MYLK4: variants seen among roughly 807,000 people sequenced by gnomAD.
MYLK4 encodes caMLCK like.
MYLK4 carries 46 observed loss-of-function variants against 48.1 expected under a neutral mutation model. That is an observed-to-expected ratio of 0.96 (90% CI 0.75 to 1.22). MYLK4 has a LOEUF of 1.22. Among genes scored for constraint, MYLK4 ranks in the 50% most tolerant of loss-of-function variants. The probability of loss-of-function intolerance (pLI) is 0.00; values close to 1 mark genes in which losing one functional copy is unlikely to be tolerated. For missense variants in MYLK4, 451 were observed against 486.1 expected (o/e 0.93, Z 0.68); for synonymous variants, 170 against 180.8 (o/e 0.94, Z 0.48).
intron 2 of MYLK4, among the ~76,000 whole-genome samples, chr6:2,698,857 T>G (rs1762167689): frequency 6.6e-6 from 1 of 152,204 alleles, no homozygotes; most frequent in African/African-American, 2.4e-5. Context: ...ATAAAAGGAA[T>G]TCTCACTAAG....
Position 2,721,674 on chromosome 6 carries a change from T to C in MYLK4, c.159+27462A>G, listed in dbSNP as rs990567128. On this transcript the variant is annotated intron_variant, in intron 2 of 12. Transcript: ENST00000274643. Reference sequence around the variant, plus strand: ...CCTTTGACTACCTACCAACCTAAAGTGGTTTTGCCTCTTTCTTCAGTCTGA... The same window carrying C: ...CCTTTGACTACCTACCAACCTAAAGCGGTTTTGCCTCTTTCTTCAGTCTGA... Among the ~76,000 whole-genome samples the C allele has an allele frequency of 2.0e-4, 31 of 152,126 alleles. 1 individual carries two copies. Among genetic ancestry groups the C allele is most frequent in the African/African-American group, 7.0e-4 (29 of 41,408 alleles).
At chr6:2,751,797 A>AT (rs1764294903), upstream of MYLK4, among the ~76,000 whole-genome samples, 2 of 152,260 alleles carry the variant, frequency 1.3e-5, no homozygotes, top group South Asian at 2.1e-4. Flanking sequence ...AAAAATACAT[A>AT]TTTTTCCATT....
chr6:2,732,319 G>A (rs981636837), intron 2 of MYLK4, among the ~76,000 whole-genome samples: 19 of 152,092 alleles, frequency 1.2e-4, no homozygotes, highest in Non-Finnish European at 2.5e-4. Context: ...GAACAATGGC[G>A]CTAACCCCAT....
intron 2 of MYLK4, among the ~76,000 whole-genome samples, chr6:2,706,247 T>C (rs1762485066): frequency 6.6e-6 from 1 of 152,224 alleles, no homozygotes; most frequent in South Asian, 2.1e-4. Flanking sequence ...TAGGCAACTA[T>C]AGATTAATTT....
chr6:2,707,484 T>C (rs1762534800), intron 2 of MYLK4, among the ~76,000 whole-genome samples: 1 of 152,220 alleles, frequency 6.6e-6, no homozygotes, highest in African/African-American at 2.4e-5. Flanking sequence ...ACATGAAAAG[T>C]TCGCATGCTA....
At chr6:2,741,962 G>A (rs1763913112) in intron 2 of MYLK4, among the ~76,000 whole-genome samples, 1 of 152,092 alleles carries the variant, frequency 6.6e-6, no homozygotes, top group African/African-American at 2.4e-5. Flanking sequence ...ATCTCCCACA[G>A]GAGATACGAT....
At chr6:2,694,675 C>T (rs2113187328) in intron 2 of MYLK4, among the ~76,000 whole-genome samples, 1 of 100,098 alleles carries the variant, frequency 1.0e-5, no homozygotes, top group East Asian at 3.1e-4. Flanking sequence ...GTAGTGGTGA[C>T]AGCTACCATG....
At chr6:2,755,054 A>G (rs1764394261), upstream of MYLK4, among the ~76,000 whole-genome samples, 1 of 152,226 alleles carries the variant, frequency 6.6e-6, no homozygotes, top group Non-Finnish European at 1.5e-5. Context: ...AAATTTTGAT[A>G]TTAGACCACT....
intron 2 of MYLK4, among the ~76,000 whole-genome samples, chr6:2,747,142 G>T (rs905101396): frequency 1.2e-4 from 19 of 152,196 alleles, no homozygotes; most frequent in Admixed American, 3.3e-4. Context: ...CGGAAGCCAG[G>T]AGGCCCAAGT....
intron 2 of MYLK4, among the ~76,000 whole-genome samples, chr6:2,696,541 C>T (rs919319954): frequency 1.3e-5 from 2 of 152,212 alleles, no homozygotes; most frequent in African/African-American, 2.4e-5. Context: ...GGGGCCCTCG[C>T]CAGGCCCTGG....
the MYLK4 span, among the ~76,000 whole-genome samples, chr6:2,762,538 T>C: frequency 6.6e-6 from 1 of 152,258 alleles, no homozygotes; most frequent in Non-Finnish European, 1.5e-5. Flanking sequence ...CAGTGTACTG[T>C]ATTTCCACAT....
the MYLK4 span, among the ~76,000 whole-genome samples, chr6:2,766,613 T>C: frequency 7.9e-5 from 12 of 152,308 alleles, 1 homozygote; most frequent in South Asian, 2.5e-3. Flanking sequence ...AGGTGGAGTC[T>C]GTGATGGGTG....
At chr6:2,744,103 C>T in intron 2 of MYLK4, 3 of 395,826 alleles carry the variant, frequency 7.6e-6, no homozygotes, top group Non-Finnish European at 8.9e-6. Context: ...CTAGCACCAG[C>T]ACTTCTCAAG....
rs1268739989 is a variant in MYLK4, at chr6:2,685,191, C to T, written c.545+105G>A. ...CCGCGCGAATCAGAGTCTGCGGGGG[C>T]GAGCTTGGTTCTGGTCCCGCTACAG... On this transcript the variant is annotated intron_variant, in intron 6 of 12. Coordinates refer to ENST00000274643, the MANE Select transcript of MYLK4 (RefSeq NM_001012418.5). The surrounding 1 kb of genome is among the most constrained non-coding windows in gnomAD (Gnocchi z 4.5). 7.7e-6 allele frequency: 6 copies of T among 781,286 alleles called. No individual in the cohort carries two copies. The highest frequency in any genetic ancestry group is 3.7e-4 in the Middle Eastern group (1 of 2,684). 48.4% of individuals were successfully genotyped at this position (781,286 alleles called of 1,614,324 possible).
chr6:2,671,459 C>T, intron 11 of MYLK4, 111 bp from the exon 12 acceptor site: 1 of 1,006,852 alleles, frequency 9.9e-7, no homozygotes, highest in Admixed American at 2.1e-5. Flanking sequence ...AGGTGCTCTT[C>T]AAGAGAAGTT....
At chr6:2,669,303 T>C (rs1760787198) in intron 12 of MYLK4, among the ~76,000 whole-genome samples, 1 of 152,226 alleles carries the variant, frequency 6.6e-6, no homozygotes, top group African/African-American at 2.4e-5. Flanking sequence ...GCCCAAATGC[T>C]GCTGTCTGCG....
chr6:2,743,011 T>C (rs7775946), intron 2 of MYLK4, among the ~76,000 whole-genome samples: 105,428 of 151,700 alleles, frequency 0.69, 36,804 homozygotes, highest in Non-Finnish European at 0.72. Flanking sequence ...TCTGGGGGCA[T>C]GTGAAGAAAA....
At chr6:2,765,649 C>G in the MYLK4 span, 2 of 1,545,798 alleles carry the variant, frequency 1.3e-6, no homozygotes, top group African/African-American at 2.9e-5. Context: ...CGGAAGACGA[C>G]CCCTTCCTTT....
intron 2 of MYLK4, among the ~76,000 whole-genome samples, chr6:2,700,499 A>ATTT (rs1762244479): frequency 2.0e-5 from 3 of 152,278 alleles, no homozygotes; most frequent in Admixed American, 2.0e-4. Context: ...GATTGGAGCA[A>ATTT]TTATAACAAC....
Sources: gnomAD v4.1 joint callset for allele counts (sites outside exome capture counted in the v4.1 genomes callset) on GRCh38, gnomAD v4.1.1 for gene constraint, Gnocchi (gnomAD v3.1) non-coding constraint, MANE v1.5 for transcripts, NCBI Gene and HGNC (gene_info 2026-07-23, HGNC 2026-07-21) for gene names.